The following CNTNAP2 variants were observed in gnomAD, a reference collection of about 807,000 sequenced individuals.
The protein encoded by CNTNAP2 is contactin-associated protein-like 2.
Under a neutral mutation model 155.2 loss-of-function variants are expected in CNTNAP2, and 98 were observed. The ratio of observed to expected loss-of-function variants is 0.63; its 90% CI spans 0.54 to 0.75. The LOEUF (loss-of-function observed/expected upper bound fraction) is 0.75, where lower values mean the gene tolerates loss of function less well. CNTNAP2 is among the 30% of genes least tolerant of loss of function. The pLI is 0.00. For missense variants in CNTNAP2, 1,727 were observed against 1,688.1 expected (o/e 1.02, Z -0.40); for synonymous variants, 651 against 631.2 (o/e 1.03, Z -0.47).
intron 2 of CNTNAP2, among the ~76,000 whole-genome samples, chr7:146,822,665 ATATACT>A (rs1230006324): frequency 2.7e-5 from 4 of 147,718 alleles, no homozygotes; most frequent in Admixed American, 6.8e-5. Flanking sequence ...TTAAATATAA[ATATACT>A]TATTCTTAAG....
intron 13 of CNTNAP2, among the ~76,000 whole-genome samples, chr7:147,690,990 T>A (rs1277089751): frequency 6.6e-6 from 1 of 152,154 alleles, no homozygotes; most frequent in Non-Finnish European, 1.5e-5. Flanking sequence ...GACTGGCTTT[T>A]AAGTCCAAAT....
At chr7:148,316,283 A>G in intron 21 of CNTNAP2, among the ~76,000 whole-genome samples, 1 of 152,196 alleles carries the variant, frequency 6.6e-6, no homozygotes, top group East Asian at 1.9e-4. Context: ...GCACATGTAT[A>G]CATATGTAAC....
intron 6 of CNTNAP2, among the ~76,000 whole-genome samples, chr7:147,127,992 AATGGAT>A (rs1370129699): frequency 6.6e-6 from 1 of 152,166 alleles, no homozygotes; most frequent in African/African-American, 2.4e-5. Flanking sequence ...ATGTATAAGA[AATGGAT>A]ATTTTCTTTC....
chr7:147,278,630 C>A lies in CNTNAP2; in HGVS notation c.1349-21511C>A, dbSNP rs1804957109. Among the ~76,000 whole-genome samples the A allele has an allele frequency of 2.6e-5, 4 of 151,370 alleles. No homozygotes were observed. The South Asian group carries it at 8.3e-4, about 31-fold the overall frequency. Reference sequence around the variant, plus strand: ...AAAAATAGCACATTTTTAAAAGATTCACAGTACATTTTGTGAAGTTTTATA... The same window carrying A: ...AAAAATAGCACATTTTTAAAAGATTAACAGTACATTTTGTGAAGTTTTATA... On this transcript the variant is annotated intron_variant, in intron 8 of 23. Coordinates refer to ENST00000361727, the MANE Select transcript of CNTNAP2 (RefSeq NM_014141.6).
At chr7:146,195,117 C>G (rs932594675) in intron 1 of CNTNAP2, 13 of 152,160 alleles carry the variant, frequency 8.5e-5, no homozygotes, top group African/African-American at 3.1e-4. Flanking sequence ...ACAGATGCTG[C>G]AAGTATTACC....
intron 15 of CNTNAP2, among the ~76,000 whole-genome samples, 200 bp from the exon 16 acceptor site, chr7:148,117,917 GA>G (rs1195880395): frequency 6.6e-6 from 1 of 151,216 alleles, no homozygotes; most frequent in East Asian, 1.9e-4. Flanking sequence ...ATATGTAAAT[GA>G]ATATTATATA....
chr7:148,291,189 T>A (rs62470573), intron 21 of CNTNAP2, among the ~76,000 whole-genome samples: 22,253 of 151,718 alleles, frequency 0.15, 1,750 homozygotes, highest in Middle Eastern at 0.22. Context: ...TTCAATCACA[T>A]GGTAAATTAG....
intron 9 of CNTNAP2, among the ~76,000 whole-genome samples, chr7:147,317,532 C>G (rs572618506): frequency 6.6e-6 from 1 of 152,284 alleles, no homozygotes; most frequent in African/African-American, 2.4e-5. Flanking sequence ...CCTACACATT[C>G]TACTATTTCC....
chr7:146,774,995 CA>C (rs527927119), intron 2 of CNTNAP2, among the ~76,000 whole-genome samples: 1 of 151,972 alleles, frequency 6.6e-6, no homozygotes, highest in Non-Finnish European at 1.5e-5. Flanking sequence ...AGGACAGAGG[CA>C]AAAAACTCTT....
At chr7:146,269,622 C>A (rs1260344877) in intron 1 of CNTNAP2, among the ~76,000 whole-genome samples, 1 of 152,278 alleles carries the variant, frequency 6.6e-6, no homozygotes, top group South Asian at 2.1e-4. Context: ...CTGTATTTTA[C>A]TGTTGAAGTC....
intron 12 of CNTNAP2, among the ~76,000 whole-genome samples, chr7:147,613,110 C>T (rs376471738): frequency 2.6e-5 from 4 of 152,208 alleles, no homozygotes; most frequent in Non-Finnish European, 4.4e-5. Flanking sequence ...AAAATAGCTC[C>T]AAGAATCAGG....
chr7:146,630,608 C>T (rs1002061765), intron 1 of CNTNAP2, among the ~76,000 whole-genome samples: 6 of 152,174 alleles, frequency 3.9e-5, no homozygotes, highest in African/African-American at 1.2e-4. Context: ...ATGGTAAAAG[C>T]GTTCCTGTTT....
intron 1 of CNTNAP2, among the ~76,000 whole-genome samples, chr7:146,459,103 C>G (rs1796599124): frequency 6.6e-6 from 1 of 152,168 alleles, no homozygotes; most frequent in African/African-American, 2.4e-5. Context: ...AGATTCCCCT[C>G]TTAATTCCTA....
intron 12 of CNTNAP2, among the ~76,000 whole-genome samples, chr7:147,574,864 C>A (rs1217045694): frequency 6.6e-6 from 1 of 152,186 alleles, no homozygotes; most frequent in East Asian, 1.9e-4. Context: ...CAATCAGCCA[C>A]AAGGCTTAGG....
chr7:148,312,716 A>G (rs1291439819), intron 21 of CNTNAP2, among the ~76,000 whole-genome samples: 1 of 152,186 alleles, frequency 6.6e-6, no homozygotes, highest in Non-Finnish European at 1.5e-5. Context: ...AGGGGAGTTT[A>G]TAGGCTTTAA....
At chr7:146,436,553 TATAAA>T (rs1796246445) in intron 1 of CNTNAP2, among the ~76,000 whole-genome samples, 1 of 152,276 alleles carries the variant, frequency 6.6e-6, no homozygotes. Flanking sequence ...TTCACATACT[TATAAA>T]ATACAATAGG....
At chr7:146,521,655 C>A (rs182203485) in intron 1 of CNTNAP2, among the ~76,000 whole-genome samples, 3 of 152,042 alleles carry the variant, frequency 2.0e-5, no homozygotes, top group Admixed American at 6.6e-5. Flanking sequence ...AACTATCAGA[C>A]CTTTTTGAAG....
At chr7:147,259,523 A>C (rs1219870323) in intron 8 of CNTNAP2, among the ~76,000 whole-genome samples, 1 of 152,210 alleles carries the variant, frequency 6.6e-6, no homozygotes, top group Middle Eastern at 3.2e-3. Flanking sequence ...TATTTTTAAG[A>C]TATATGAATT....
chr7:146,924,393 A>G lies in CNTNAP2; in HGVS notation c.402+84489A>G, dbSNP rs1796564488. Among the ~76,000 whole-genome samples, 4 of 152,280 alleles carry G rather than the reference A, an allele frequency of 2.6e-5. No individual in the cohort carries two copies. The South Asian group carries it at 8.3e-4, about 32-fold the overall frequency. On this transcript the variant is annotated intron_variant, in intron 3 of 23. Coordinates refer to ENST00000361727, the MANE Select transcript of CNTNAP2 (RefSeq NM_014141.6). ...TGTTATTCCATTCACTGAGGTAGGC[A>G]TGGAATCCCTACAGCCTCCCTCTCT...
Sources: gnomAD v4.1 joint callset for allele counts (sites outside exome capture counted in the v4.1 genomes callset) on GRCh38, gnomAD v4.1.1 for gene constraint, MANE v1.5 for transcripts, NCBI Gene and HGNC (gene_info 2026-07-23, HGNC 2026-07-21) for gene names.